RABGAP1L: variants seen among roughly 807,000 people sequenced by gnomAD.
The protein encoded by RABGAP1L is rab GTPase-activating protein 1-like.
RABGAP1L carries 63 observed loss-of-function variants against 137.7 expected under a neutral mutation model. The observed-to-expected ratio is 0.46, with a 90% CI of 0.37 to 0.56. The LOEUF is 0.56. RABGAP1L is among the 20% of genes least tolerant of loss of function. The pLI is 0.00. For synonymous variants in RABGAP1L, 431 were observed against 433.7 expected (o/e 0.99, Z 0.08); for missense variants, 1,095 against 1,244.0 (o/e 0.88, Z 1.80).
At chr1:174,502,640 A>C (rs886868739) in intron 13 of RABGAP1L, among the ~76,000 whole-genome samples, 5 of 148,248 alleles carry the variant, frequency 3.4e-5, no homozygotes, top group Non-Finnish European at 7.5e-5. Context: ...ATATGTGTGT[A>C]TATATATGTA....
At chr1:174,240,840 C>T (rs7535987) in intron 4 of RABGAP1L, among the ~76,000 whole-genome samples, 44,722 of 151,892 alleles carry the variant, frequency 0.29, 6,996 homozygotes, top group African/African-American at 0.37. Flanking sequence ...TTACCAGGCA[C>T]GTATACTTAG....
In RABGAP1L at chr1:174,865,350, C is replaced by A. The variant is rs567319644; in HGVS notation, c.2340+53390C>A. 2.5e-3 allele frequency among the ~76,000 whole-genome samples: 387 copies of A among 152,198 alleles called. 5 individuals are homozygous for A. Among genetic ancestry groups the A allele is most frequent in the African/African-American group, 8.8e-3 (366 of 41,542 alleles). On this transcript the variant is annotated intron_variant, in intron 19 of 25. Transcript: ENST00000681986. ...AACAAGACTCCCTCTCAAAAAAGAA[C>A]ACAGGCAACTTATATTAATAGTGTT...
chr1:174,396,622 G>C (rs1461978909), intron 13 of RABGAP1L, among the ~76,000 whole-genome samples: 1 of 151,866 alleles, frequency 6.6e-6, no homozygotes, highest in African/African-American at 2.4e-5. Flanking sequence ...TTTATTGGCT[G>C]CCATGGGGTA....
At chr1:174,615,314 G>T (rs924381747) in intron 13 of RABGAP1L, among the ~76,000 whole-genome samples, 1 of 152,186 alleles carries the variant, frequency 6.6e-6, no homozygotes, top group African/African-American at 2.4e-5. Context: ...TCAGCTGCAG[G>T]TCTTTTGGGG....
At chr1:174,469,677 G>C (rs1231650503) in intron 13 of RABGAP1L, among the ~76,000 whole-genome samples, 1 of 152,154 alleles carries the variant, frequency 6.6e-6, no homozygotes, top group African/African-American at 2.4e-5. Context: ...TTAAGTTCCA[G>C]AGTAGTCAGT....
intron 17 of RABGAP1L, among the ~76,000 whole-genome samples, chr1:174,723,936 G>T (rs1285116877): frequency 6.6e-6 from 1 of 152,182 alleles, no homozygotes; most frequent in Non-Finnish European, 1.5e-5. Context: ...AAGTAATTCT[G>T]AGAGAGTCAA....
chr1:174,717,891 G>A (rs1385815158), intron 17 of RABGAP1L, among the ~76,000 whole-genome samples: 1 of 152,150 alleles, frequency 6.6e-6, no homozygotes, highest in Non-Finnish European at 1.5e-5. Context: ...AGTGAATCTT[G>A]AAGAACATAT....
intron 19 of RABGAP1L, among the ~76,000 whole-genome samples, chr1:174,890,196 T>C (rs1207412092): frequency 1.3e-5 from 2 of 152,226 alleles, no homozygotes; most frequent in South Asian, 2.1e-4. Context: ...ACAGTCCAGT[T>C]TGGGAGACAG....
chr1:174,848,902 C>T (rs531379651), intron 19 of RABGAP1L, among the ~76,000 whole-genome samples: 74 of 150,576 alleles, frequency 4.9e-4, no homozygotes, highest in African/African-American at 1.6e-3. Flanking sequence ...TAGGACCCTC[C>T]GAGCCAGGTG....
chr1:174,643,418 G>T (rs1674693820), intron 14 of RABGAP1L, among the ~76,000 whole-genome samples: 1 of 152,026 alleles, frequency 6.6e-6, no homozygotes, highest in Admixed American at 6.6e-5. Flanking sequence ...TGAACCCCTG[G>T]GGCCACCTGC....
intron 13 of RABGAP1L, among the ~76,000 whole-genome samples, chr1:174,561,453 A>G (rs749775886): frequency 6.6e-6 from 1 of 152,190 alleles, no homozygotes; most frequent in Non-Finnish European, 1.5e-5. Flanking sequence ...TTATAGATTC[A>G]ATGTTATCCC....
chr1:174,310,755 T>C (rs1678752541), intron 11 of RABGAP1L, among the ~76,000 whole-genome samples: 1 of 152,108 alleles, frequency 6.6e-6, no homozygotes, highest in Non-Finnish European at 1.5e-5. Flanking sequence ...ATTTATGGGG[T>C]ACATGAGGTA....
At chr1:174,713,957 G>C (rs957424703) in intron 17 of RABGAP1L, among the ~76,000 whole-genome samples, 1 of 151,880 alleles carries the variant, frequency 6.6e-6, no homozygotes, top group African/African-American at 2.4e-5. Context: ...ACACATAACC[G>C]ATTACACTCC....
intron 21 of RABGAP1L, among the ~76,000 whole-genome samples, chr1:174,975,398 A>G (rs989844747): frequency 6.6e-6 from 1 of 152,208 alleles, no homozygotes; most frequent in Non-Finnish European, 1.5e-5. Flanking sequence ...GACGTGTTAA[A>G]TAGACATCAT....
Position 174,994,340 on chromosome 1 carries a change from C to T in RABGAP1L, c.*4339C>T, listed in dbSNP as rs753593762. 1 of 152,178 alleles carries T rather than the reference C, an allele frequency of 6.6e-6. No individual in the cohort carries two copies. Among genetic ancestry groups the T allele is most frequent in the African/African-American group, 2.4e-5 (1 of 41,442 alleles). The allele number at this position is 152,178 out of a possible 1,614,324, so 9.4% of individuals were successfully genotyped here. ...CTGGCATTCCTTTCTCAGTTTGCAT[C>T]TAAAAGACTACATATGTCAAGCTTA... On this transcript the variant is annotated 3_prime_UTR_variant, in exon 26 of 26. Transcript: ENST00000681986.
intron 13 of RABGAP1L, among the ~76,000 whole-genome samples, chr1:174,625,222 G>T (rs984581839): frequency 8.6e-5 from 13 of 151,966 alleles, no homozygotes; most frequent in Non-Finnish European, 1.6e-4. Flanking sequence ...AACATTATAT[G>T]CTTAATGTCT....
chr1:174,949,296 G>T (rs1384830597), intron 19 of RABGAP1L, among the ~76,000 whole-genome samples: 2 of 152,216 alleles, frequency 1.3e-5, no homozygotes, highest in South Asian at 2.1e-4. Context: ...ATAGCAAAAA[G>T]ATTTAGTACA....
At chr1:174,509,073 T>C (rs771412259) in intron 13 of RABGAP1L, among the ~76,000 whole-genome samples, 2 of 152,198 alleles carry the variant, frequency 1.3e-5, no homozygotes, top group Non-Finnish European at 2.9e-5. Context: ...CATCTTTGGC[T>C]AGAATATCTC....
At chr1:174,466,910 C>G (rs559196202) in intron 13 of RABGAP1L, among the ~76,000 whole-genome samples, 1 of 152,120 alleles carries the variant, frequency 6.6e-6, no homozygotes, top group Non-Finnish European at 1.5e-5. Context: ...CCCCTCTGAC[C>G]GTTGGTTTCC....
Sources: gnomAD v4.1 joint callset for allele counts (sites outside exome capture counted in the v4.1 genomes callset) on GRCh38, gnomAD v4.1.1 for gene constraint, MANE v1.5 for transcripts, NCBI Gene and HGNC (gene_info 2026-07-23, HGNC 2026-07-21) for gene names.